The following CACNA2D2 variants were observed in gnomAD, a reference collection of about 807,000 sequenced individuals.
The protein encoded by CACNA2D2 is voltage-dependent calcium channel subunit alpha-2/delta-2.
Under a neutral mutation model 166.4 loss-of-function variants are expected in CACNA2D2, and 48 were observed. The observed-to-expected ratio is 0.29, with a 90% CI of 0.23 to 0.37. CACNA2D2 has a LOEUF of 0.37. Ranked by LOEUF, CACNA2D2 falls within the 10% of genes least tolerant of loss-of-function variation. The probability of loss-of-function intolerance (pLI) is 1.00; values close to 1 mark genes in which losing one functional copy is unlikely to be tolerated. For missense variants in CACNA2D2, 1,122 were observed against 1,433.0 expected, an observed-to-expected ratio of 0.78 and a Z score of 3.50; for synonymous variants, 561 against 573.7, an observed-to-expected ratio of 0.98 and a Z score of 0.32.
chr3:50,460,748 G>A (rs2107006565), intron 2 of CACNA2D2, among the ~76,000 whole-genome samples: 1 of 152,198 alleles, frequency 6.6e-6, no homozygotes. Context: ...CAGCTACTCG[G>A]GGGGCTGAGG....
intron 3 of CACNA2D2, among the ~76,000 whole-genome samples, chr3:50,417,779 ACATTACT>A (rs1399624215): frequency 1.3e-5 from 2 of 152,126 alleles, no homozygotes; most frequent in Admixed American, 1.3e-4. Context: ...ATGCATTCTC[ACATTACT>A]CATCTACTTT....
At chr3:50,472,549 C>A (rs1710142273) in intron 2 of CACNA2D2, among the ~76,000 whole-genome samples, 1 of 152,202 alleles carries the variant, frequency 6.6e-6, no homozygotes, top group Admixed American at 6.5e-5. Flanking sequence ...TCTCCGAGGT[C>A]AGGAATGCAT....
rs776131871 is a variant in CACNA2D2 at position 50,376,073 on chromosome 3, T to C, written c.1702-39A>G. On this transcript the variant is annotated intron_variant, in intron 18 of 37. Coordinates refer to ENST00000424201, the MANE Select transcript of CACNA2D2 (RefSeq NM_006030.4). This position sits in a 1 kb window ranked among gnomAD's most constrained non-coding sequence, Gnocchi z 4.3. ...GGTGGGAAGTCAGAAGTCCCCATTG[T>C]GGAAGGTTTGCCCACCCTCCAGGCC... is the stretch of plus-strand genomic sequence containing the variant. 6.2e-7 allele frequency: 1 copy of C among 1,613,296 alleles called. No individual in the cohort carries two copies. The highest frequency in any genetic ancestry group is 8.5e-7 in the Non-Finnish European group (1 of 1,179,996).
At chr3:50,417,496 C>T (rs1229563652) in intron 3 of CACNA2D2, among the ~76,000 whole-genome samples, 1 of 152,160 alleles carries the variant, frequency 6.6e-6, no homozygotes, top group Non-Finnish European at 1.5e-5. Flanking sequence ...GGTCCAGCGC[C>T]GTCTGCTGTG....
At chr3:50,377,878 G>C (rs1453239846) in intron 15 of CACNA2D2, 75 bp from the exon 16 acceptor site, 2 of 1,498,670 alleles carry the variant, frequency 1.3e-6, no homozygotes, top group Non-Finnish European at 1.8e-6. Flanking sequence ...AGCAGGGACT[G>C]AGGTGCAGGC....
At chr3:50,459,222 A>T (rs1167238523) in intron 2 of CACNA2D2, among the ~76,000 whole-genome samples, 1 of 152,168 alleles carries the variant, frequency 6.6e-6, no homozygotes, top group Non-Finnish European at 1.5e-5. Flanking sequence ...AGGTATACAC[A>T]TGGGTGGCAG....
intron 2 of CACNA2D2, among the ~76,000 whole-genome samples, chr3:50,436,137 TCCC>T (rs971940302): frequency 5.9e-5 from 9 of 151,698 alleles, no homozygotes; most frequent in Non-Finnish European, 1.2e-4. Context: ...CAAAGCCAGA[TCCC>T]CCATCAGCTT....
intron 1 of CACNA2D2, among the ~76,000 whole-genome samples, chr3:50,486,234 CA>C (rs1698275576): frequency 6.6e-6 from 1 of 152,174 alleles, no homozygotes; most frequent in Non-Finnish European, 1.5e-5. Context: ...TGGAGGTCAC[CA>C]AATGGGTCAG....
intron 3 of CACNA2D2, among the ~76,000 whole-genome samples, chr3:50,413,390 T>G (rs1224252601): frequency 6.6e-6 from 1 of 152,112 alleles, no homozygotes; most frequent in African/African-American, 2.4e-5. Context: ...ACCAACTCTC[T>G]CCAACCCCTG....
rs1704032494 is a variant in CACNA2D2, at chr3:50,363,391, C to T, written c.*1275G>A. On this transcript the variant is annotated 3_prime_UTR_variant, in exon 38 of 38. Coordinates refer to ENST00000424201, the MANE Select transcript of CACNA2D2 (RefSeq NM_006030.4). ...ATATCCCCTTGCCCTCAGTTCCCCA[C>T]TGGCCCCCAGGCTGGGATGCCTTTG... 2.5e-6 allele frequency: 1 copy of T among 397,796 alleles called. No individual in the cohort carries two copies. Among genetic ancestry groups the T allele is most frequent in the Non-Finnish European group, 4.4e-6 (1 of 225,960 alleles). The allele number at this position is 397,796 out of a possible 1,614,324, so 24.6% of individuals were successfully genotyped here.
intron 5 of CACNA2D2, 75 bp downstream of exon 5, chr3:50,387,493 G>T: frequency 8.2e-7 from 1 of 1,226,916 alleles, no homozygotes; most frequent in Non-Finnish European, 1.2e-6. Context: ...GTGTGGCGCT[G>T]AGTCCTAACA....
chr3:50,455,093 T>C (rs1709291355), intron 2 of CACNA2D2, among the ~76,000 whole-genome samples: 1 of 152,250 alleles, frequency 6.6e-6, no homozygotes, highest in Non-Finnish European at 1.5e-5. Flanking sequence ...AGGCCCTCTC[T>C]GGGCCTTGGT....
intron 3 of CACNA2D2, among the ~76,000 whole-genome samples, chr3:50,404,274 G>A (rs899938587): frequency 3.9e-5 from 6 of 152,186 alleles, no homozygotes; most frequent in East Asian, 1.9e-4. Flanking sequence ...AGAGGCATGC[G>A]AGGGGCAGCC....
chr3:50,364,575 G>T lies in CACNA2D2; in HGVS notation c.*91C>A. 1 of 1,386,366 alleles carries T rather than the reference G, an allele frequency of 7.2e-7. No homozygotes were observed. The allele number at this position is 1,386,366 out of a possible 1,614,324, so 85.9% of individuals were successfully genotyped here. On this transcript the variant is annotated 3_prime_UTR_variant, in exon 38 of 38. Coordinates refer to ENST00000424201, the MANE Select transcript of CACNA2D2 (RefSeq NM_006030.4). ...TCAGGTCCTTCAGTGAGGGAGGGACGAGGCTCTAAGGCGGGGAGTGTGGGG... is the reference window on the plus strand; with the variant it reads ...TCAGGTCCTTCAGTGAGGGAGGGACTAGGCTCTAAGGCGGGGAGTGTGGGG...
At chr3:50,458,560 C>T (rs751937014) in intron 2 of CACNA2D2, among the ~76,000 whole-genome samples, 1 of 152,154 alleles carries the variant, frequency 6.6e-6, no homozygotes, top group South Asian at 2.1e-4. Context: ...CAGGGCCCAG[C>T]GTAGATTTCA....
chr3:50,414,096 T>C (rs1316572983), intron 3 of CACNA2D2, among the ~76,000 whole-genome samples: 1 of 152,070 alleles, frequency 6.6e-6, no homozygotes, highest in African/African-American at 2.4e-5. Context: ...ATGAGTTAGA[T>C]AGAACCATAC....
chr3:50,408,729 G>A (rs913320544), intron 3 of CACNA2D2, among the ~76,000 whole-genome samples: 4 of 152,180 alleles, frequency 2.6e-5, no homozygotes, highest in Non-Finnish European at 5.9e-5. Flanking sequence ...GTGGGCAGGC[G>A]GAGGCGGCCT....
At position 50,431,873 on chromosome 3, in the gene CACNA2D2, T is replaced by C. The variant is rs1708078328; in HGVS notation, c.405+2440A>G. 4.0e-5 allele frequency among the ~76,000 whole-genome samples: 6 copies of C among 148,552 alleles called. No homozygotes were observed. The Admixed American group carries it at 4.1e-4, about 10-fold the overall frequency. On this transcript the variant is annotated intron_variant, in intron 3 of 37. Coordinates refer to ENST00000424201, the MANE Select transcript of CACNA2D2 (RefSeq NM_006030.4). Reference sequence around the variant, plus strand: ...GGTGGTGGGCGCCTGTAATCCCAGCTACTTGGGAGGCTAAACCACAAGAAT... The same window carrying C: ...GGTGGTGGGCGCCTGTAATCCCAGCCACTTGGGAGGCTAAACCACAAGAAT...
intron 1 of CACNA2D2, among the ~76,000 whole-genome samples, chr3:50,488,368 TTTCA>T (rs1158416719): frequency 1.3e-5 from 2 of 152,030 alleles, no homozygotes; most frequent in South Asian, 2.1e-4. Flanking sequence ...CAGGAGCTGA[TTTCA>T]TTCATTCATT....
Sources: allele counts gnomAD v4.1 joint callset (sites outside exome capture counted in the v4.1 genomes callset), GRCh38; gene constraint gnomAD v4.1.1; non-coding constraint Gnocchi (gnomAD v3.1); transcripts MANE v1.5; gene names NCBI Gene and HGNC (gene_info 2026-07-23, HGNC 2026-07-21).